The following ANKRD17 variants were observed in gnomAD, a reference collection of about 807,000 sequenced individuals.
ANKRD17 encodes the protein ankyrin repeat domain-containing protein 17.
A neutral mutation model predicts 229.7 loss-of-function variants in ANKRD17; 19 were observed. The ratio of observed to expected loss-of-function variants is 0.08; its 90% CI spans 0.06 to 0.12. The LOEUF is 0.12. Ranked by LOEUF, ANKRD17 falls within the 10% of genes least tolerant of loss-of-function variation. ANKRD17 has a pLI of 1.00. For synonymous variants in ANKRD17, 1,112 were observed against 1,146.1 expected, an observed-to-expected ratio of 0.97 and a Z score of 0.60; for missense variants, 2,176 against 3,176.8, an observed-to-expected ratio of 0.68 and a Z score of 7.57.
intron 2 of ANKRD17, among the ~76,000 whole-genome samples, chr4:73,171,197 G>GAGAA (rs1171759115): frequency 6.6e-6 from 1 of 151,032 alleles, no homozygotes; most frequent in Non-Finnish European, 1.5e-5. Context: ...GAGAGAGAGA[G>GAGAA]AGAGAGAGAG....
chr4:73,119,036 G>A (rs1447443965), intron 21 of ANKRD17, among the ~76,000 whole-genome samples, 186 bp from the exon 22 acceptor site: 1 of 151,748 alleles, frequency 6.6e-6, no homozygotes, highest in Non-Finnish European at 1.5e-5. Context: ...ACAGTCCCAT[G>A]CCACCACGCT....
At chr4:73,157,880 G>A (rs1731874738) in intron 3 of ANKRD17, among the ~76,000 whole-genome samples, 1 of 152,082 alleles carries the variant, frequency 6.6e-6, no homozygotes, top group Non-Finnish European at 1.5e-5. Context: ...ATGAGGTCAG[G>A]AGATCGAGAC....
At chr4:73,223,152 TG>T (rs1479520090) in intron 1 of ANKRD17, 93 of 1,007,678 alleles carry the variant, frequency 9.2e-5, no homozygotes, top group Non-Finnish European at 1.1e-4. Flanking sequence ...GCAGCTTAGC[TG>T]TTCACTAGCC....
chr4:73,119,017 G>C (rs1211640379), intron 21 of ANKRD17, among the ~76,000 whole-genome samples, 167 bp from the exon 22 acceptor site: 2 of 149,970 alleles, frequency 1.3e-5, no homozygotes, highest in Non-Finnish European at 3.0e-5. Context: ...CTCCAGAGTA[G>C]CTGGGACTAC....
At chr4:73,223,118 G>T in intron 1 of ANKRD17, 1 of 1,413,414 alleles carries the variant, frequency 7.1e-7, no homozygotes, top group Non-Finnish European at 9.6e-7. Flanking sequence ...AACAGGAAAT[G>T]GAATGTTCTA....
intron 1 of ANKRD17, among the ~76,000 whole-genome samples, chr4:73,233,227 A>G (rs1395587634): frequency 6.6e-6 from 1 of 152,150 alleles, no homozygotes; most frequent in Non-Finnish European, 1.5e-5. Context: ...TTGATTCACC[A>G]AATTTTATAT....
intron 1 of ANKRD17, among the ~76,000 whole-genome samples, chr4:73,224,583 CAT>C (rs1022528473): frequency 6.6e-6 from 1 of 152,066 alleles, no homozygotes; most frequent in African/African-American, 2.4e-5. Flanking sequence ...AAAAAATAAA[CAT>C]ATTATTTATC....
At chr4:73,194,696 T>C (rs1230947177) in intron 1 of ANKRD17, among the ~76,000 whole-genome samples, 1 of 152,180 alleles carries the variant, frequency 6.6e-6, no homozygotes, top group Non-Finnish European at 1.5e-5. Flanking sequence ...GTATATATCA[T>C]ATACTGTAAT....
chr4:73,221,354 A>G (rs1417740070), intron 1 of ANKRD17, among the ~76,000 whole-genome samples: 1 of 152,206 alleles, frequency 6.6e-6, no homozygotes, highest in African/African-American at 2.4e-5. Context: ...TTCAGGTAGC[A>G]TTAAAAAAAC....
chr4:73,135,983 C>T (rs1354420139), intron 15 of ANKRD17, among the ~76,000 whole-genome samples: 2 of 152,188 alleles, frequency 1.3e-5, no homozygotes, highest in Non-Finnish European at 2.9e-5. Flanking sequence ...TGCACACAAA[C>T]ATTCTTCAAA....
At chr4:73,203,172 G>A (rs1327742891) in intron 1 of ANKRD17, among the ~76,000 whole-genome samples, 3 of 152,044 alleles carry the variant, frequency 2.0e-5, no homozygotes, top group Non-Finnish European at 4.4e-5. Flanking sequence ...CAACCCTGTG[G>A]GAGTTTCTAT....
chr4:73,141,166 C>T (rs935884637), intron 14 of ANKRD17, among the ~76,000 whole-genome samples: 1 of 152,100 alleles, frequency 6.6e-6, no homozygotes, highest in Non-Finnish European at 1.5e-5. Flanking sequence ...AAAAGAAAAA[C>T]TGATTCAAAC....
At chr4:73,184,095 T>C (rs765157623) in intron 1 of ANKRD17, among the ~76,000 whole-genome samples, 3 of 152,184 alleles carry the variant, frequency 2.0e-5, no homozygotes, top group Non-Finnish European at 4.4e-5. Context: ...AATTTGGTAA[T>C]GCGGGGTCAT....
At chr4:73,109,344 G>A (rs1165197406) in intron 24 of ANKRD17, among the ~76,000 whole-genome samples, 1 of 151,894 alleles carries the variant, frequency 6.6e-6, no homozygotes, top group African/African-American at 2.4e-5. Flanking sequence ...GGAAGTATAT[G>A]GGTGTAGATA....
At chr4:73,104,732 T>C (rs1176647278) in intron 24 of ANKRD17, among the ~76,000 whole-genome samples, 1 of 151,812 alleles carries the variant, frequency 6.6e-6, no homozygotes, top group Non-Finnish European at 1.5e-5. Context: ...GAGCTAATTA[T>C]GACTGCTATT....
intron 5 of ANKRD17, 99 bp from the exon 6 acceptor site, chr4:73,154,212 C>G: frequency 1.6e-6 from 1 of 645,028 alleles, no homozygotes; most frequent in African/African-American, 1.9e-5. Flanking sequence ...AAGACTACAA[C>G]CATAATAAAT....
rs972102239 is a variant in ANKRD17 at position 73,120,217 on chromosome 4, A to C, written c.3970T>G (p.Leu1324Val). The C allele has an allele frequency of 5.6e-6, 9 of 1,613,984 alleles. No individual in the cohort carries two copies. Among genetic ancestry groups the C allele is most frequent in the Non-Finnish European group, 7.6e-6 (9 of 1,180,020 alleles). Residue 1324 changes from leucine to valine, a missense_variant, in exon 21 of 34, where the codon TTA (leucine) becomes GTA (valine). This residue lies in a region of ANKRD17 where 178 missense variants were observed against 421.7 expected (regional missense o/e 0.42). Coordinates refer to ENST00000358602, the MANE Select transcript of ANKRD17 (RefSeq NM_032217.5). ...PPVPSSRDTA[L>V]TIAADKGHYK... is the part of the protein sequence containing the mutation. ...TGCCCTTTATCTGCTGCTATGGTTA[A>C]AGCTGTATCTCTTGAGGAGGGAACT...
intron 1 of ANKRD17, among the ~76,000 whole-genome samples, chr4:73,179,387 A>G (rs1351444455): frequency 6.8e-6 from 1 of 147,264 alleles, no homozygotes; most frequent in Non-Finnish European, 1.5e-5. Context: ...ATTTTTTAAA[A>G]TTATATATAT....
At chr4:73,202,530 C>A (rs1200472814) in intron 1 of ANKRD17, among the ~76,000 whole-genome samples, 1 of 151,840 alleles carries the variant, frequency 6.6e-6, no homozygotes, top group Non-Finnish European at 1.5e-5. Flanking sequence ...ATCTAACCAG[C>A]CAGAGGAGAG....
Sources: allele counts gnomAD v4.1 joint callset (sites outside exome capture counted in the v4.1 genomes callset), GRCh38; gene constraint gnomAD v4.1.1; regional missense constraint gnomAD v4.1.1; transcripts MANE v1.5; gene names NCBI Gene and HGNC (gene_info 2026-07-23, HGNC 2026-07-21).